The following VAV2 variants were observed in gnomAD, a reference collection of about 807,000 sequenced individuals.
The protein encoded by VAV2 is guanine nucleotide exchange factor VAV2.
In VAV2, 67 loss-of-function variants were observed where a neutral mutation model predicts 132.5. That is an observed-to-expected ratio of 0.51 (90% CI 0.42 to 0.62). The LOEUF (loss-of-function observed/expected upper bound fraction) is 0.62, where lower values mean the gene tolerates loss of function less well. Ranked by LOEUF, VAV2 falls within the 20% of genes least tolerant of loss-of-function variation. The pLI is 0.00. For synonymous variants in VAV2, 492 were observed against 443.5 expected (o/e 1.11, Z -1.37); for missense variants, 938 against 1,153.6 (o/e 0.81, Z 2.71).
At chr9:133,869,664 T>C (rs976905448) in intron 2 of VAV2, among the ~76,000 whole-genome samples, 2 of 152,096 alleles carry the variant, frequency 1.3e-5, no homozygotes, top group Non-Finnish European at 1.5e-5. Context: ...CTGGCGACCA[T>C]GTGATGAGCC....
chr9:133,931,450 C>G (rs1564475011), intron 2 of VAV2, among the ~76,000 whole-genome samples: 1 of 152,058 alleles, frequency 6.6e-6, no homozygotes, highest in Non-Finnish European at 1.5e-5. Flanking sequence ...TCAGGAGAAA[C>G]ACGTCCTTCC....
At chr9:133,854,315 AC>A (rs776747448) in intron 3 of VAV2, among the ~76,000 whole-genome samples, 1 of 152,010 alleles carries the variant, frequency 6.6e-6, no homozygotes, top group Non-Finnish European at 1.5e-5. Flanking sequence ...CTGCACACAC[AC>A]CCCCATGTGC....
At chr9:133,771,832 C>T in intron 26 of VAV2, 127 bp downstream of exon 26, 1 of 911,946 alleles carries the variant, frequency 1.1e-6, no homozygotes, top group Non-Finnish European at 1.7e-6. Flanking sequence ...AAACCAATTC[C>T]CTAAATCTTG....
rs193111010 is a variant in VAV2 at position 133,838,637 on chromosome 9, G to T, written c.381-4297C>A. Reference sequence around the variant, plus strand: ...TGGGTGTATGGGTAAGTGGGTAGGTGAATGTATAGATGGATGGATGGGTGG... The same window carrying T: ...TGGGTGTATGGGTAAGTGGGTAGGTTAATGTATAGATGGATGGATGGGTGG... On this transcript the variant is annotated intron_variant, in intron 3 of 29. Transcript: ENST00000371850. Among the ~76,000 whole-genome samples, 80 of 146,226 alleles carry T rather than the reference G, an allele frequency of 5.5e-4. 1 individual carries two copies. The highest frequency in any genetic ancestry group is 1.9e-3 in the African/African-American group (74 of 39,664).
intron 10 of VAV2, 104 bp downstream of exon 10, chr9:133,797,606 C>T: frequency 9.7e-7 from 1 of 1,027,426 alleles, no homozygotes; most frequent in Non-Finnish European, 1.4e-6. Flanking sequence ...CCCATCACCA[C>T]CTTCCCAACA....
chr9:133,849,414 C>T (rs1048458606), intron 3 of VAV2, among the ~76,000 whole-genome samples: 10 of 152,158 alleles, frequency 6.6e-5, no homozygotes, highest in East Asian at 1.9e-4. Context: ...GATGCTGGTC[C>T]GGCCTCCAGG....
At chr9:133,799,092 G>A (rs1011950742) in intron 9 of VAV2, among the ~76,000 whole-genome samples, 1 of 152,248 alleles carries the variant, frequency 6.6e-6, no homozygotes, top group Non-Finnish European at 1.5e-5. Context: ...GGTGGCCCTC[G>A]GGGAGAAGCG....
chr9:133,822,013 C>T lies in VAV2; in HGVS notation c.450-9797G>A, dbSNP rs545225171. ...AATCTTCCAGGAGGGGCCCCGAGCA[C>T]GGCTGTAGCTCTCCAGGGACGGCAA... On this transcript the variant is annotated intron_variant, in intron 4 of 29. Coordinates refer to ENST00000371850, the MANE Select transcript of VAV2 (RefSeq NM_001134398.2). Among the ~76,000 whole-genome samples, 107 of 152,318 alleles carry T rather than the reference C, an allele frequency of 7.0e-4. 1 individual carries two copies. Among genetic ancestry groups the T allele is most frequent in the South Asian group, 2.7e-3 (13 of 4,828 alleles).
chr9:133,960,277 G>T (rs471882), intron 1 of VAV2, among the ~76,000 whole-genome samples: 1 of 152,038 alleles, frequency 6.6e-6, no homozygotes, highest in Non-Finnish European at 1.5e-5. Context: ...AGCTGGGCCA[G>T]AAAGTTCTTA....
chr9:133,870,293 G>C (rs891177227), intron 2 of VAV2, among the ~76,000 whole-genome samples: 3 of 152,128 alleles, frequency 2.0e-5, no homozygotes, highest in Non-Finnish European at 4.4e-5. Flanking sequence ...CCGCCCCCAG[G>C]CCCCAAGACA....
intron 1 of VAV2, among the ~76,000 whole-genome samples, chr9:133,982,429 G>GC (rs1457208646): frequency 7.9e-6 from 1 of 126,150 alleles, no homozygotes; most frequent in African/African-American, 2.8e-5. Context: ...CACAAGAGGG[G>GC]ACCTAGGACG....
In VAV2 at chr9:133,883,602, G is replaced by C. The variant is rs1232757842; in HGVS notation, c.322-22170C>G. The stretch of plus-strand genomic sequence containing the variant: ...TCATCCCCAGCCACGGCAGGCAGGC[G>C]GCCCAGCAGCAGGCAGGTTTCAGCT... On this transcript the variant is annotated intron_variant, in intron 2 of 29. Coordinates refer to ENST00000371850, the MANE Select transcript of VAV2 (RefSeq NM_001134398.2). This position sits in a 1 kb window ranked among gnomAD's most constrained non-coding sequence, Gnocchi z 4.2. Among the ~76,000 whole-genome samples the C allele has an allele frequency of 6.6e-6, 1 of 152,178 alleles. No individual in the cohort carries two copies. Among genetic ancestry groups the C allele is most frequent in the East Asian group, 1.9e-4 (1 of 5,198 alleles).
At chr9:133,904,118 C>G (rs1001597604) in intron 2 of VAV2, among the ~76,000 whole-genome samples, 3 of 152,166 alleles carry the variant, frequency 2.0e-5, no homozygotes, top group Admixed American at 6.5e-5. Context: ...AAATTCTGTG[C>G]CCCAAATCAC....
chr9:133,787,150 C>T, intron 16 of VAV2, 96 bp downstream of exon 16: 2 of 1,372,196 alleles, frequency 1.5e-6, no homozygotes, highest in South Asian at 3.7e-5. Context: ...GAGCCCAGCC[C>T]CTCAGGCCCC....
intron 1 of VAV2, among the ~76,000 whole-genome samples, chr9:133,975,328 A>G (rs966136649): frequency 2.0e-5 from 3 of 152,090 alleles, no homozygotes; most frequent in Admixed American, 1.3e-4. Flanking sequence ...TGCTGGGTCA[A>G]TGTTATCTGC....
chr9:133,870,899 CGTGGGTGG>C (rs1189209303), intron 2 of VAV2, among the ~76,000 whole-genome samples: 8 of 60,612 alleles, frequency 1.3e-4, no homozygotes, highest in Non-Finnish European at 1.8e-4. Context: ...TGGGTGAGTG[CGTGGGTGG>C]GTGGGTGGAT....
chr9:133,964,070 A>ATATAT (rs1564507864), intron 1 of VAV2, among the ~76,000 whole-genome samples: 10 of 89,338 alleles, frequency 1.1e-4, no homozygotes, highest in African/African-American at 1.5e-4. Context: ...CATATATATA[A>ATATAT]ATGAATAGGC....
intron 3 of VAV2, among the ~76,000 whole-genome samples, chr9:133,839,682 C>A (rs1836639909): frequency 6.6e-6 from 1 of 152,098 alleles, no homozygotes; most frequent in Non-Finnish European, 1.5e-5. Context: ...AACTCCTGAC[C>A]TCGTGATCCG....
chr9:133,951,245 T>A (rs1013470193), intron 1 of VAV2, among the ~76,000 whole-genome samples: 1 of 152,188 alleles, frequency 6.6e-6, no homozygotes, highest in South Asian at 2.1e-4. Context: ...AAGCCAGCCA[T>A]GCGACAGCAA....
Sources: allele counts gnomAD v4.1 joint callset (sites outside exome capture counted in the v4.1 genomes callset), GRCh38; gene constraint gnomAD v4.1.1; non-coding constraint Gnocchi (gnomAD v3.1); transcripts MANE v1.5; gene names NCBI Gene and HGNC (gene_info 2026-07-23, HGNC 2026-07-21).